Variants in UTRN observed in about 807,000 individuals in gnomAD.
UTRN encodes the protein dystrophin-related protein 1.
In UTRN, 283 loss-of-function variants were observed where a neutral mutation model predicts 463.9. The ratio of observed to expected loss-of-function variants is 0.61; its 90% CI spans 0.55 to 0.67. The LOEUF is 0.67. UTRN is among the 30% of genes least tolerant of loss of function. The probability of loss-of-function intolerance (pLI) is 0.00; values close to 1 mark genes in which losing one functional copy is unlikely to be tolerated. For synonymous variants in UTRN, 1,442 were observed against 1,431.5 expected (o/e 1.01, Z -0.17); for missense variants, 3,922 against 4,084.3 (o/e 0.96, Z 1.08).
chr6:144,824,777 G>T lies in UTRN; in HGVS notation c.9495-2571G>T, dbSNP rs1224802505. 7.5e-5 allele frequency among the ~76,000 whole-genome samples: 11 copies of T among 146,246 alleles called. 1 individual carries two copies. The highest frequency in any genetic ancestry group is 4.0e-4 in the East Asian group (2 of 5,046). ...GGCAGTATGTGAAGTTGGTGGTGGG[G>T]GGGGGTGTCCCCCCAGCGTTAAGAA... On this transcript the variant is annotated intron_variant, in intron 66 of 74. Transcript: ENST00000367545.
intron 51 of UTRN, among the ~76,000 whole-genome samples, chr6:144,621,245 T>C (rs1447078672): frequency 6.6e-6 from 1 of 152,228 alleles, no homozygotes; most frequent in Non-Finnish European, 1.5e-5. Context: ...GCAATTTCAG[T>C]GAGTTATAAA....
chr6:144,728,335 CATA>C, intron 53 of UTRN, among the ~76,000 whole-genome samples: 1 of 152,036 alleles, frequency 6.6e-6, no homozygotes, highest in East Asian at 1.9e-4. Context: ...GCTCTAACAA[CATA>C]ATAATCTAAG....
At chr6:144,728,086 G>C (rs919844893) in intron 53 of UTRN, among the ~76,000 whole-genome samples, 4 of 130,836 alleles carry the variant, frequency 3.1e-5, no homozygotes, top group African/African-American at 1.2e-4. Flanking sequence ...GGGTGACAGA[G>C]TAAGACTCCA....
At chr6:144,445,588 T>C (rs1024843351) in intron 14 of UTRN, among the ~76,000 whole-genome samples, 1 of 151,188 alleles carries the variant, frequency 6.6e-6, no homozygotes, top group Non-Finnish European at 1.5e-5. Flanking sequence ...TGTGGTCAGA[T>C]TTTTCTTATT....
At chr6:144,823,293 C>T (rs965007416) in intron 66 of UTRN, among the ~76,000 whole-genome samples, 3 of 151,802 alleles carry the variant, frequency 2.0e-5, no homozygotes, top group African/African-American at 7.3e-5. Context: ...TTTTTTTAAT[C>T]CTAGACCAAG....
chr6:144,476,270 G>A, intron 25 of UTRN, among the ~76,000 whole-genome samples: 1 of 151,666 alleles, frequency 6.6e-6, no homozygotes, highest in East Asian at 2.0e-4. Context: ...TGGTTTTCAT[G>A]TGAATAGTTT....
intron 2 of UTRN, among the ~76,000 whole-genome samples, chr6:144,340,215 G>A (rs565105889): frequency 6.6e-6 from 1 of 152,298 alleles, no homozygotes; most frequent in South Asian, 2.1e-4. Context: ...GAGCTCATGG[G>A]AAGTGCCATA....
intron 51 of UTRN, among the ~76,000 whole-genome samples, chr6:144,664,146 C>T (rs1585865536): frequency 1.3e-5 from 2 of 152,254 alleles, no homozygotes; most frequent in East Asian, 3.9e-4. Context: ...TAAACTGAGA[C>T]TTAACAGATG....
intron 7 of UTRN, 134 bp downstream of exon 7, chr6:144,426,593 C>T: frequency 1.1e-6 from 1 of 920,882 alleles, no homozygotes; most frequent in Non-Finnish European, 1.5e-6. Context: ...TCTACCAAAA[C>T]CTTAAGAAAA....
At chr6:144,412,183 C>A (rs2114820787) in intron 3 of UTRN, among the ~76,000 whole-genome samples, 1 of 152,226 alleles carries the variant, frequency 6.6e-6, no homozygotes, top group Non-Finnish European at 1.5e-5. Context: ...CTAGAGACAG[C>A]ATTCTTTTTA....
rs372982822 is a variant in UTRN at position 144,516,225 on chromosome 6, A to G, written c.5245-4A>G. The G allele has an allele frequency of 7.5e-6, 12 of 1,610,322 alleles. No homozygotes were observed. The South Asian group carries it at 1.0e-4, about 13-fold the overall frequency. On this transcript the variant is annotated splice_region_variant and splice_polypyrimidine_tract_variant and intron_variant, in intron 37 of 74. Transcript: ENST00000367545. ...ATTTTCAGAGAATTCTTTTCCTTCT[A>G]CAGTTGCTAATTGCTCAGGAACCAT...
intron 51 of UTRN, among the ~76,000 whole-genome samples, chr6:144,609,032 C>T (rs1276057204): frequency 3.3e-5 from 5 of 152,178 alleles, no homozygotes; most frequent in Non-Finnish European, 7.3e-5. Flanking sequence ...TCTTACCTAT[C>T]AGTAACTGCC....
chr6:144,780,565 T>A (rs1775734180), intron 60 of UTRN, among the ~76,000 whole-genome samples: 1 of 152,228 alleles, frequency 6.6e-6, no homozygotes, highest in African/African-American at 2.4e-5. Flanking sequence ...ACTCAATAAA[T>A]GTATAGATAG....
chr6:144,577,718 T>C (rs1267496836), intron 51 of UTRN, among the ~76,000 whole-genome samples: 1 of 152,236 alleles, frequency 6.6e-6, no homozygotes. Context: ...CTTGATGATA[T>C]TACTTTTATG....
At chr6:144,332,520 T>G (rs1261292039) in intron 2 of UTRN, among the ~76,000 whole-genome samples, 1 of 152,180 alleles carries the variant, frequency 6.6e-6, no homozygotes, top group Non-Finnish European at 1.5e-5. Context: ...CTTTGGGTAT[T>G]ACCTCAAAGT....
chr6:144,328,918 G>A (rs1776154318), intron 2 of UTRN, among the ~76,000 whole-genome samples: 1 of 151,834 alleles, frequency 6.6e-6, no homozygotes, highest in African/African-American at 2.4e-5. Context: ...CAAGTAGCTG[G>A]GATTACAGTT....
intron 50 of UTRN, among the ~76,000 whole-genome samples, chr6:144,561,287 C>T (rs1275138727): frequency 1.6e-5 from 2 of 126,438 alleles, no homozygotes; most frequent in Admixed American, 8.3e-5. Flanking sequence ...GTATACACAC[C>T]TGTGTAACAC....
chr6:144,737,982 A>T (rs1275993307), intron 54 of UTRN, among the ~76,000 whole-genome samples: 3 of 152,124 alleles, frequency 2.0e-5, no homozygotes, highest in African/African-American at 7.2e-5. Context: ...ATCATACAGT[A>T]TGATTTTTTT....
chr6:144,609,571 G>T (rs1011586983), intron 51 of UTRN, among the ~76,000 whole-genome samples: 2 of 152,164 alleles, frequency 1.3e-5, no homozygotes, highest in African/African-American at 4.8e-5. Context: ...GACTTGAATT[G>T]CAGTATAGAC....
Sources: gnomAD v4.1 joint callset for allele counts (sites outside exome capture counted in the v4.1 genomes callset) on GRCh38, gnomAD v4.1.1 for gene constraint, MANE v1.5 for transcripts, NCBI Gene and HGNC (gene_info 2026-07-23, HGNC 2026-07-21) for gene names.